KIF16B: variants seen among roughly 807,000 people sequenced by gnomAD.
The protein encoded by KIF16B is kinesin family member 16B, also known as kinesin-like protein KIF16B.
KIF16B carries 98 observed loss-of-function variants against 156.3 expected under a neutral mutation model. The observed-to-expected ratio is 0.63, with a 90% CI of 0.53 to 0.74. KIF16B has a LOEUF of 0.74. KIF16B is among the 30% of genes least tolerant of loss of function. The pLI is 0.00. For missense variants in KIF16B, 1,421 were observed against 1,606.5 expected, an observed-to-expected ratio of 0.88 and a Z score of 1.97; for synonymous variants, 564 against 583.7, an observed-to-expected ratio of 0.97 and a Z score of 0.49.
intron 25 of KIF16B, among the ~76,000 whole-genome samples, chr20:16,300,291 T>C (rs940804215): frequency 3.9e-5 from 6 of 152,150 alleles, no homozygotes; most frequent in African/African-American, 1.4e-4. Context: ...AATTTTAGAG[T>C]AATGAGTGAG....
intron 15 of KIF16B, among the ~76,000 whole-genome samples, chr20:16,416,563 T>C (rs1374253051): frequency 6.6e-6 from 1 of 151,926 alleles, no homozygotes; most frequent in African/African-American, 2.4e-5. Flanking sequence ...CACCACACAC[T>C]GGGGCCTGTT....
At chr20:16,408,675 A>C (rs1276262691) in intron 15 of KIF16B, among the ~76,000 whole-genome samples, 1 of 152,166 alleles carries the variant, frequency 6.6e-6, no homozygotes, top group African/African-American at 2.4e-5. Flanking sequence ...ATTGAAAATA[A>C]TCTTGCCACC....
chr20:16,286,444 GTCCTTTCTCTTA>G (rs985791072), intron 25 of KIF16B, among the ~76,000 whole-genome samples: 5 of 152,066 alleles, frequency 3.3e-5, no homozygotes, highest in African/African-American at 1.2e-4. Context: ...AGGTAACCTA[GTCCTTTCTCTTA>G]TCCTCATAAA....
intron 25 of KIF16B, among the ~76,000 whole-genome samples, chr20:16,304,578 AT>A (rs1413888183): frequency 1.3e-5 from 2 of 152,248 alleles, no homozygotes; most frequent in Non-Finnish European, 2.9e-5. Flanking sequence ...AAGAAAAAAA[AT>A]AAAAACCTAA....
chr20:16,480,710 G>A (rs1438203357), intron 12 of KIF16B, among the ~76,000 whole-genome samples: 1 of 152,206 alleles, frequency 6.6e-6, no homozygotes, highest in African/African-American at 2.4e-5. Context: ...CTGGGTGTGG[G>A]TTAGATGGGG....
chr20:16,561,022 G>A (rs979238147), intron 1 of KIF16B, among the ~76,000 whole-genome samples: 5 of 152,032 alleles, frequency 3.3e-5, no homozygotes, highest in Admixed American at 3.3e-4. Context: ...GGGCGCAGTG[G>A]CTCATGCCTG....
chr20:16,379,668 G>T lies in KIF16B; in HGVS notation c.2334C>A (p.Leu778=), dbSNP rs374151470. 2.0e-5 allele frequency: 32 copies of T among 1,613,940 alleles called. No homozygotes were observed. Among genetic ancestry groups the T allele is most frequent in the Admixed American group, 1.3e-4 (8 of 59,994 alleles). Residue 778 remains leucine, a synonymous_variant, in exon 19 of 26, where the codon CTC becomes CTA. Coordinates refer to ENST00000354981, the MANE Select transcript of KIF16B (RefSeq NM_024704.5). ...CCCACTGTACCTCCCCACGCCGCAG[G>T]AGCTGGATCATCTCCTGCTTCTCTC... ...QLREKQEMIQ[L]LRRGEVQWVE... is the part of the protein sequence containing the mutation.
intron 24 of KIF16B, among the ~76,000 whole-genome samples, chr20:16,313,595 C>A (rs1249419031): frequency 2.0e-5 from 3 of 152,200 alleles, no homozygotes; most frequent in Non-Finnish European, 4.4e-5. Context: ...CTCCCTCTCA[C>A]CCCTACAAAA....
chr20:16,305,992 A>G (rs1159300622), intron 25 of KIF16B, among the ~76,000 whole-genome samples: 1 of 152,090 alleles, frequency 6.6e-6, no homozygotes, highest in East Asian at 1.9e-4. Context: ...TGCTTTCTGG[A>G]TAAGAATTAT....
chr20:16,482,044 T>C (rs1180141354), intron 12 of KIF16B, among the ~76,000 whole-genome samples: 1 of 152,128 alleles, frequency 6.6e-6, no homozygotes, highest in Admixed American at 6.6e-5. Context: ...GGATCCAGAA[T>C]AACAAAGGTG....
intron 4 of KIF16B, among the ~76,000 whole-genome samples, chr20:16,514,506 C>T (rs6034510): frequency 0.24 from 35,846 of 149,036 alleles, 4,903 homozygotes; most frequent in East Asian, 0.36. Flanking sequence ...CCTCAATCAT[C>T]TTCCACTAGT....
chr20:16,278,006 T>C (rs911233150), intron 25 of KIF16B, among the ~76,000 whole-genome samples: 9 of 152,040 alleles, frequency 5.9e-5, no homozygotes, highest in Non-Finnish European at 8.8e-5. Flanking sequence ...CCTCCTAGGG[T>C]TGCACAACAT....
intron 2 of KIF16B, among the ~76,000 whole-genome samples, 170 bp downstream of exon 2, chr20:16,528,201 A>G (rs2069619573): frequency 6.6e-6 from 1 of 152,072 alleles, no homozygotes; most frequent in African/African-American, 2.4e-5. Flanking sequence ...AACGGGATCA[A>G]CTCTTCTGCT....
In KIF16B at chr20:16,540,952, G is replaced by A. The variant is rs1005494653; in HGVS notation, c.48-12512C>T. ...TCCACAGTTAGATGCAGATGTATTC[G>A]CCTCCCTACCCCAAGCCCAGAAAGC... is the stretch of plus-strand genomic sequence containing the variant. On this transcript the variant is annotated intron_variant, in intron 1 of 25. Transcript: ENST00000354981. 5.3e-5 allele frequency among the ~76,000 whole-genome samples: 8 copies of A among 151,884 alleles called. No homozygotes were observed. In the East Asian group the frequency reaches 7.7e-4, roughly 15 times the overall value.
At chr20:16,357,324 G>A (rs2123160922) in intron 22 of KIF16B, among the ~76,000 whole-genome samples, 1 of 152,188 alleles carries the variant, frequency 6.6e-6, no homozygotes, top group African/African-American at 2.4e-5. Context: ...CCCCCTACGA[G>A]GTATTAACCA....
chr20:16,497,610 T>C lies in KIF16B; in HGVS notation c.1242+3A>G, dbSNP rs749177547. On this transcript the variant is annotated splice_donor_region_variant and intron_variant, in intron 11 of 25. Coordinates refer to ENST00000354981, the MANE Select transcript of KIF16B (RefSeq NM_024704.5). ...TAAAAATATAAGTCAAAGTATCACT[T>C]ACTCTTGCTTCATTCTGCTGAAGTT... is the stretch of plus-strand genomic sequence containing the variant. The C allele has an allele frequency of 6.2e-7, 1 of 1,603,868 alleles. No homozygotes were observed. The highest frequency in any genetic ancestry group is 1.3e-5 in the African/African-American group (1 of 74,674).
At chr20:16,280,840 A>ACG (rs769929218) in intron 25 of KIF16B, among the ~76,000 whole-genome samples, 40,622 of 131,326 alleles carry the variant, frequency 0.31, 5,679 homozygotes, top group East Asian at 0.37. Flanking sequence ...CTGCGCGCGC[A>ACG]CGTGTGTGTG....
At position 16,518,587 on chromosome 20, in the gene KIF16B, G is replaced by A. The variant is rs962248002; in HGVS notation, c.232-2923C>T. Among the ~76,000 whole-genome samples the A allele has an allele frequency of 3.3e-5, 5 of 152,322 alleles. No individual in the cohort carries two copies. In the South Asian group the frequency reaches 8.3e-4, roughly 25 times the overall value. On this transcript the variant is annotated intron_variant, in intron 3 of 25. Transcript: ENST00000354981. Reference sequence around the variant, plus strand: ...GGTTGAATTAAGGAACAGGTTGTGTGAGATCAAAGCCTCCCTTTGGAGTTC... The same window carrying A: ...GGTTGAATTAAGGAACAGGTTGTGTAAGATCAAAGCCTCCCTTTGGAGTTC...
intron 10 of KIF16B, among the ~76,000 whole-genome samples, chr20:16,499,920 AAAT>A (rs2068568847): frequency 6.6e-6 from 1 of 152,232 alleles, no homozygotes; most frequent in South Asian, 2.1e-4. Context: ...GTTTCAAATC[AAAT>A]AATAATCAGA....
Sources: gnomAD v4.1 joint callset for allele counts (sites outside exome capture counted in the v4.1 genomes callset) on GRCh38, gnomAD v4.1.1 for gene constraint, MANE v1.5 for transcripts, NCBI Gene and HGNC (gene_info 2026-07-23, HGNC 2026-07-21) for gene names.